KALRN: variants seen among roughly 807,000 people sequenced by gnomAD.
The protein encoded by KALRN is kalirin RhoGEF kinase, also known as kalirin.
A neutral mutation model predicts 353.7 loss-of-function variants in KALRN; 70 were observed. That is an observed-to-expected ratio of 0.20 (90% confidence interval 0.16 to 0.24). The LOEUF (loss-of-function observed/expected upper bound fraction) is 0.24. Among genes scored for constraint, KALRN ranks in the 10% least tolerant of loss-of-function variants. The probability of loss-of-function intolerance (pLI) is 1.00; values close to 1 mark genes in which losing one functional copy is unlikely to be tolerated. For synonymous variants in KALRN, 1,391 were observed against 1,434.8 expected, an observed-to-expected ratio of 0.97 and a Z score of 0.69; for missense variants, 2,791 against 3,756.7, an observed-to-expected ratio of 0.74 and a Z score of 6.72.
At chr3:124,380,246 AC>A (rs2087159827) in intron 10 of KALRN, among the ~76,000 whole-genome samples, 1 of 152,214 alleles carries the variant, frequency 6.6e-6, no homozygotes, top group Non-Finnish European at 1.5e-5. Context: ...CTGAAAACAT[AC>A]CTGTATTGCT....
chr3:124,108,252 G>A (rs1042585924), intron 1 of KALRN, among the ~76,000 whole-genome samples: 2 of 152,072 alleles, frequency 1.3e-5, no homozygotes, highest in African/African-American at 4.8e-5. Context: ...ACTCTGCTTG[G>A]CTCCTTAGAG....
intron 5 of KALRN, among the ~76,000 whole-genome samples, chr3:124,275,696 G>T (rs1044754147): frequency 6.6e-6 from 1 of 152,210 alleles, no homozygotes; most frequent in African/African-American, 2.4e-5. Flanking sequence ...CTGAGACCAT[G>T]AAGAGTGTCA....
At chr3:124,294,024 G>A (rs1361751328) in intron 5 of KALRN, among the ~76,000 whole-genome samples, 1 of 151,956 alleles carries the variant, frequency 6.6e-6, no homozygotes, top group Non-Finnish European at 1.5e-5. Flanking sequence ...ATCTTGGTGG[G>A]GCAGGCAGTG....
chr3:124,276,433 A>T (rs564220546), intron 5 of KALRN, among the ~76,000 whole-genome samples: 32 of 152,286 alleles, frequency 2.1e-4, no homozygotes, highest in Admixed American at 1.8e-3. Flanking sequence ...AGCCCAAAAC[A>T]GGACCCAAAG....
In KALRN at chr3:124,325,968, T is replaced by G; in HGVS notation, c.1093-12T>G. On this transcript the variant is annotated splice_polypyrimidine_tract_variant and intron_variant, in intron 6 of 59. Transcript: ENST00000682506. The stretch of plus-strand genomic sequence containing the variant: ...GAGCCTGCCCCACTGAGCACTCTCC[T>G]TTTCTTTCCAGAATGCCTATGTCAA... 1 of 1,609,112 alleles carries G rather than the reference T, an allele frequency of 6.2e-7. No individual in the cohort carries two copies. Among genetic ancestry groups the G allele is most frequent in the South Asian group, 1.1e-5 (1 of 89,846 alleles).
chr3:124,677,140 G>A (rs11718359), intron 49 of KALRN, among the ~76,000 whole-genome samples: 25,111 of 152,090 alleles, frequency 0.17, 2,489 homozygotes, highest in Middle Eastern at 0.29. Flanking sequence ...CATAATGGAC[G>A]CTCATCTCAT....
At chr3:124,522,511 G>A (rs2067248329) in intron 33 of KALRN, among the ~76,000 whole-genome samples, 1 of 152,132 alleles carries the variant, frequency 6.6e-6, no homozygotes, top group Non-Finnish European at 1.5e-5. Context: ...GCTTCTCATG[G>A]CATGTACCAA....
chr3:124,050,286 C>G (rs924166558), intron 1 of KALRN, among the ~76,000 whole-genome samples: 2 of 152,230 alleles, frequency 1.3e-5, no homozygotes, highest in Non-Finnish European at 2.9e-5. Flanking sequence ...GACTCCAGGC[C>G]TTTGCCCAGT....
In KALRN at chr3:124,398,558, G is replaced by A. The variant is rs941235010; in HGVS notation, c.2172-139G>A. 7 of 854,310 alleles carry A rather than the reference G, an allele frequency of 8.2e-6. No homozygotes were observed. In the East Asian group the frequency reaches 1.7e-4, roughly 21 times the overall value. 52.9% of individuals were successfully genotyped at this position (854,310 alleles called of 1,614,324 possible). ...AGAGAGCATCAGGCTCACAGCAGGA[G>A]TTTGATAAATGTCTGTTGATTGAAT... On this transcript the variant is annotated intron_variant, in intron 12 of 59. Coordinates refer to ENST00000682506, the MANE Select transcript of KALRN (RefSeq NM_001388419.1).
intron 33 of KALRN, chr3:124,518,744 C>T (rs6765634): frequency 0.24 from 322,157 of 1,363,230 alleles, 41,894 homozygotes; most frequent in African/African-American, 0.49. Flanking sequence ...CTGTGAGAGG[C>T]CCAATGGCCC....
At chr3:124,718,582 C>T (rs368294925) in intron 59 of KALRN, among the ~76,000 whole-genome samples, 22 of 152,150 alleles carry the variant, frequency 1.4e-4, no homozygotes, top group East Asian at 7.7e-4. Flanking sequence ...AGCCAACAAA[C>T]GTCACCTTCT....
At chr3:124,048,041 A>G (rs1265986753) in intron 1 of KALRN, among the ~76,000 whole-genome samples, 2 of 152,184 alleles carry the variant, frequency 1.3e-5, no homozygotes, top group Non-Finnish European at 2.9e-5. Flanking sequence ...ATGAAAAACA[A>G]ATGAAGGGGG....
intron 34 of KALRN, among the ~76,000 whole-genome samples, chr3:124,615,504 T>G (rs2078480776): frequency 6.6e-6 from 1 of 152,238 alleles, no homozygotes; most frequent in Non-Finnish European, 1.5e-5. Context: ...AAGGGGAATC[T>G]TCTCTGTAAC....
chr3:124,436,041 G>A (rs781365843), intron 17 of KALRN, among the ~76,000 whole-genome samples: 3 of 152,178 alleles, frequency 2.0e-5, no homozygotes, highest in Non-Finnish European at 2.9e-5. Context: ...CAGAATAGTG[G>A]TTATAGAAAT....
intron 5 of KALRN, among the ~76,000 whole-genome samples, chr3:124,272,397 G>C (rs2074259549): frequency 6.6e-6 from 1 of 152,150 alleles, no homozygotes; most frequent in East Asian, 1.9e-4. Context: ...GTTCATAATG[G>C]AAGAGAATGC....
intron 1 of KALRN, among the ~76,000 whole-genome samples, chr3:124,178,977 C>T (rs1044141343): frequency 1.3e-5 from 2 of 151,984 alleles, no homozygotes; most frequent in African/African-American, 2.4e-5. Flanking sequence ...TATGGGGGCA[C>T]ACACCTGTAG....
intron 3 of KALRN, among the ~76,000 whole-genome samples, chr3:124,248,117 C>G (rs1378108120): frequency 6.6e-6 from 1 of 152,240 alleles, no homozygotes; most frequent in African/African-American, 2.4e-5. Context: ...ACAACTTTCT[C>G]TCTGATAGGT....
Position 124,462,628 on chromosome 3 carries a change from T to C in KALRN, c.4026T>C (p.His1342=). Residue 1342 remains histidine (H), a synonymous_variant, in exon 25 of 60, where the codon CAT becomes CAC. Coordinates refer to ENST00000682506, the MANE Select transcript of KALRN (RefSeq NM_001388419.1). ...ACATCCAAGAGATCTACGATTTCCA[T>C]AACAAGTAGGTTTGTGGAGGGTCTC... ...FGNIQEIYDF[H]NNIFLKELEK... is the part of the protein sequence containing the mutation. 3 of 1,590,674 alleles carry C rather than the reference T, an allele frequency of 1.9e-6. No homozygotes were observed. The highest frequency in any genetic ancestry group is 2.2e-5 in the South Asian group (2 of 90,556).
At chr3:124,271,507 A>G (rs1449182250) in intron 5 of KALRN, among the ~76,000 whole-genome samples, 1 of 152,236 alleles carries the variant, frequency 6.6e-6, no homozygotes, top group African/African-American at 2.4e-5. Flanking sequence ...TGTTCATAAG[A>G]ATTGTATAGT....
Sources: gnomAD v4.1 joint callset for allele counts (sites outside exome capture counted in the v4.1 genomes callset) on GRCh38, gnomAD v4.1.1 for gene constraint, MANE v1.5 for transcripts, NCBI Gene and HGNC (gene_info 2026-07-23, HGNC 2026-07-21) for gene names.